Variants in CS observed in about 807,000 individuals in gnomAD.
The protein encoded by CS is citrate synthase, also known as citrate synthase, mitochondrial.
Under a neutral mutation model 61.4 loss-of-function variants are expected in CS, and 13 were observed. The observed-to-expected ratio is 0.21, with a 90% CI of 0.14 to 0.34. The LOEUF (loss-of-function observed/expected upper bound fraction) is 0.34, where lower values mean the gene tolerates loss of function less well. Ranked by LOEUF, CS falls within the 10% of genes least tolerant of loss-of-function variation. The pLI is 1.00. For synonymous variants in CS, 159 were observed against 215.2 expected, an observed-to-expected ratio of 0.74 and a Z score of 2.29; for missense variants, 278 against 573.4, an observed-to-expected ratio of 0.48 and a Z score of 5.26.
intron 1 of CS, among the ~76,000 whole-genome samples, chr12:56,294,657 C>A (rs577686156): frequency 1.3e-5 from 2 of 151,630 alleles, no homozygotes; most frequent in African/African-American, 2.4e-5. Context: ...ACCTCCACCC[C>A]CTGGGTTCAA....
chr12:56,294,687 C>T (rs959259708), intron 1 of CS, among the ~76,000 whole-genome samples: 2 of 150,596 alleles, frequency 1.3e-5, no homozygotes, highest in Admixed American at 1.3e-4. Context: ...CTGCCTCAGC[C>T]TCCCGAGTAG....
At position 56,273,193 on chromosome 12, in the gene CS, C is replaced by T; in HGVS notation, c.1292G>A (p.Gly431Asp). The change falls in exon 11 of 11, where the codon GGT (glycine) becomes GAT (aspartate). Residue 431 changes from glycine to aspartate, a missense_variant. Transcript: ENST00000351328. ...GCTCCAGATGAGCTGTGCCAGTACA[C>T]CCAATGCTCGTGACACCCCAAACAG... The part of the protein sequence containing the change: ...TVLFGVSRAL[G>D]VLAQLIWSRA... 1 of 1,614,096 alleles carries T rather than the reference C, an allele frequency of 6.2e-7. No individual in the cohort carries two copies. The highest frequency in any genetic ancestry group is 8.5e-7 in the Non-Finnish European group (1 of 1,179,964).
rs553821455 is a variant in CS at position 56,278,629 on chromosome 12, C to T, written c.589-2434G>A. On this transcript the variant is annotated intron_variant, in intron 6 of 10. Transcript: ENST00000351328. ...GCTTGCACCTGTGGTCCCAGCTACT[C>T]GGGAGGCCAAGGCAGGAAAATTGCT... Among the ~76,000 whole-genome samples the T allele has an allele frequency of 5.3e-5, 8 of 150,866 alleles. No individual in the cohort carries two copies. In the East Asian group the frequency reaches 8.2e-4, roughly 15 times the overall value.
chr12:56,284,339 A>G (rs868416650), intron 3 of CS, among the ~76,000 whole-genome samples: 6 of 139,254 alleles, frequency 4.3e-5, no homozygotes, highest in Non-Finnish European at 6.3e-5. Flanking sequence ...AAAAAAAAAG[A>G]AAAAAAAAAA....
At chr12:56,285,326 A>G (rs772778014) in intron 3 of CS, 1 of 401,102 alleles carries the variant, frequency 2.5e-6, no homozygotes, top group South Asian at 1.8e-5. Flanking sequence ...TCTGTTGCCC[A>G]GGCTATACTA....
chr12:56,297,980 G>T lies in CS; in HGVS notation c.42+2180C>A, dbSNP rs530463219. 1.0e-3 allele frequency among the ~76,000 whole-genome samples: 154 copies of T among 151,714 alleles called. 4 individuals are homozygous for T. In the South Asian group the frequency reaches 0.031, roughly 30 times the overall value. On this transcript the variant is annotated intron_variant, in intron 1 of 10. Coordinates refer to ENST00000351328, the MANE Select transcript of CS (RefSeq NM_004077.3). ...TTCCAGTCCAATAAACTCATTATTG[G>T]GCTTTGCTACCCCCCCCGCCCTTTT...
rs1873025590 is a variant in CS at position 56,288,819 on chromosome 12, A to T, written c.43-2174T>A. Among the ~76,000 whole-genome samples, 5 of 12,470 alleles carry T rather than the reference A, an allele frequency of 4.0e-4. No homozygotes were observed. The Admixed American group carries it at 0.017, about 44-fold the overall frequency. 8.2% of individuals were successfully genotyped at this position (12,470 alleles called of 152,430 possible). On this transcript the variant is annotated intron_variant, in intron 1 of 10. Transcript: ENST00000351328. Reference sequence around the variant, plus strand: ...GCACATCACCAAGCCCAGCTAATTAAAAAAAAAAAAATTTTTTTTTGTAGA... The same window carrying T: ...GCACATCACCAAGCCCAGCTAATTATAAAAAAAAAAATTTTTTTTTGTAGA...
intron 1 of CS, among the ~76,000 whole-genome samples, chr12:56,294,540 C>G (rs1470514135): frequency 1.3e-5 from 2 of 151,130 alleles, no homozygotes; most frequent in Non-Finnish European, 3.0e-5. Context: ...AAAGATACTC[C>G]TCCAGCTTCC....
intron 6 of CS, among the ~76,000 whole-genome samples, chr12:56,280,440 A>AAAAAAAAAAAAACCC (rs1555162652): frequency 8.3e-6 from 1 of 119,848 alleles, no homozygotes; most frequent in Non-Finnish European, 1.7e-5. Flanking sequence ...AAAAAAAACA[A>AAAAAAAAAAAAACCC]AAAAATTAGC....
In CS at chr12:56,281,759, C is replaced by T. The variant is rs551985167; in HGVS notation, c.588+661G>A. Among the ~76,000 whole-genome samples, 6 of 152,174 alleles carry T rather than the reference C, an allele frequency of 3.9e-5. No homozygotes were observed. The South Asian group carries it at 1.2e-3, about 32-fold the overall frequency. ...AACTCCTGGCCTTAAGCAATCCTCC[C>T]ACCTCAGCATCATGACTCACTGGGA... On this transcript the variant is annotated intron_variant, in intron 6 of 10. Coordinates refer to ENST00000351328, the MANE Select transcript of CS (RefSeq NM_004077.3).
At chr12:56,274,421 G>A (rs1260103319) in intron 9 of CS, 1 of 182,302 alleles carries the variant, frequency 5.5e-6, no homozygotes, top group Non-Finnish European at 1.1e-5. Flanking sequence ...AAAGTGCTAA[G>A]ATTATAAGCG....
In CS at chr12:56,285,193, G is replaced by A. The variant is rs774051938; in HGVS notation, c.201+723C>T. ...ACTCCTGACCTCAGATGAGCCACCC[G>A]CCTCAGCCTCCCAAAGTGCTGGGAT... On this transcript the variant is annotated intron_variant, in intron 3 of 10. Transcript: ENST00000351328. 50 of 397,606 alleles carry A rather than the reference G, an allele frequency of 1.3e-4. 1 individual carries two copies. The highest frequency in any genetic ancestry group is 5.4e-5 in the South Asian group (3 of 56,062). 24.6% of individuals were successfully genotyped at this position (397,606 alleles called of 1,614,324 possible). A position where few individuals can be genotyped will look rare whatever the true frequency, so the allele number is the denominator to read the frequency against.
At chr12:56,295,704 C>T (rs1310274944) in intron 1 of CS, among the ~76,000 whole-genome samples, 1 of 151,742 alleles carries the variant, frequency 6.6e-6, no homozygotes, top group Non-Finnish European at 1.5e-5. Flanking sequence ...CCTGTAATCC[C>T]AGCACTGTGG....
At chr12:56,287,839 G>A (rs1872990998) in intron 1 of CS, among the ~76,000 whole-genome samples, 1 of 151,924 alleles carries the variant, frequency 6.6e-6, no homozygotes, top group African/African-American at 2.4e-5. Context: ...TGTATTTTTA[G>A]TAGAGACGGG....
chr12:56,280,491 G>A (rs993673394), intron 6 of CS, among the ~76,000 whole-genome samples: 3 of 150,662 alleles, frequency 2.0e-5, no homozygotes, highest in Non-Finnish European at 4.4e-5. Flanking sequence ...GCTAGACATG[G>A]TGGCATGTGC....
intron 1 of CS, among the ~76,000 whole-genome samples, chr12:56,295,829 C>CT (rs1435367848): frequency 3.3e-5 from 5 of 151,550 alleles, no homozygotes; most frequent in African/African-American, 1.2e-4. Context: ...TGGTGGGCGC[C>CT]TACAGTCCCA....
rs150381672 is a variant in CS at position 56,298,976 on chromosome 12, A to G, written c.42+1184T>C. ...AGGATTGCTTGAGCCCAGGAGGTGG[A>G]GGCTGCAGGGAGCCTTGGTCACACC... On this transcript the variant is annotated intron_variant, in intron 1 of 10. Coordinates refer to ENST00000351328, the MANE Select transcript of CS (RefSeq NM_004077.3). Among the ~76,000 whole-genome samples, 11 of 151,922 alleles carry G rather than the reference A, an allele frequency of 7.2e-5. No homozygotes were observed. In the East Asian group the frequency reaches 2.1e-3, roughly 29 times the overall value.
intron 1 of CS, among the ~76,000 whole-genome samples, chr12:56,293,077 A>G (rs1219690813): frequency 6.6e-6 from 1 of 152,214 alleles, no homozygotes; most frequent in Non-Finnish European, 1.5e-5. Context: ...ACTGCACTCC[A>G]GCCTGGGCAA....
intron 1 of CS, among the ~76,000 whole-genome samples, chr12:56,292,050 G>T (rs1873141725): frequency 6.6e-6 from 1 of 152,160 alleles, no homozygotes. Context: ...AAGAGGCCAG[G>T]TATGGTGACT....
Sources: allele counts gnomAD v4.1 joint callset (sites outside exome capture counted in the v4.1 genomes callset), GRCh38; gene constraint gnomAD v4.1.1; transcripts MANE v1.5; gene names NCBI Gene and HGNC (gene_info 2026-07-23, HGNC 2026-07-21).